Variants in EXOC4 observed in about 807,000 individuals in gnomAD.
EXOC4 encodes exocyst complex component 4.
In EXOC4, 71 loss-of-function variants were observed where a neutral mutation model predicts 107.2. The observed-to-expected ratio is 0.66, with a 90% CI of 0.55 to 0.81. EXOC4 has a LOEUF of 0.81. EXOC4 is among the 30% of genes least tolerant of loss of function. The pLI, the probability that EXOC4 is intolerant of heterozygous loss-of-function variation, is 0.00. For synonymous variants in EXOC4, 456 were observed against 441.2 expected (o/e 1.03, Z -0.42); for missense variants, 1,108 against 1,189.6 (o/e 0.93, Z 1.01).
intron 14 of EXOC4, among the ~76,000 whole-genome samples, chr7:133,986,565 A>G (rs1487072938): frequency 6.6e-6 from 1 of 152,238 alleles, no homozygotes; most frequent in East Asian, 1.9e-4. Flanking sequence ...TCTCTATTCC[A>G]AGAAAGTTCA....
intron 5 of EXOC4, among the ~76,000 whole-genome samples, chr7:133,347,645 C>G (rs1795815395): frequency 2.6e-5 from 4 of 152,246 alleles, no homozygotes; most frequent in Admixed American, 1.3e-4. Flanking sequence ...TAGCTAAGCC[C>G]TCCTTTCATG....
intron 10 of EXOC4, among the ~76,000 whole-genome samples, chr7:133,794,323 G>C (rs1020237122): frequency 6.6e-6 from 1 of 152,158 alleles, no homozygotes; most frequent in Non-Finnish European, 1.5e-5. Flanking sequence ...ATGAGTCATA[G>C]AGTAAGTGTC....
At chr7:133,470,496 G>A (rs1798847986) in intron 7 of EXOC4, among the ~76,000 whole-genome samples, 1 of 152,112 alleles carries the variant, frequency 6.6e-6, no homozygotes, top group Non-Finnish European at 1.5e-5. Context: ...TGACCACAGA[G>A]CCATTCAACG....
chr7:133,361,985 T>C (rs999471149), intron 6 of EXOC4, among the ~76,000 whole-genome samples: 5 of 152,192 alleles, frequency 3.3e-5, no homozygotes, highest in Admixed American at 6.5e-5. Context: ...TTTTCTAACA[T>C]GTTTGTCTCA....
chr7:133,691,595 T>G (rs1794421812), intron 10 of EXOC4, among the ~76,000 whole-genome samples: 1 of 152,194 alleles, frequency 6.6e-6, no homozygotes, highest in Non-Finnish European at 1.5e-5. Context: ...ACCTGTGTCT[T>G]CAAGGAGCTT....
intron 10 of EXOC4, among the ~76,000 whole-genome samples, chr7:133,638,701 C>T (rs1021801255): frequency 6.6e-6 from 1 of 152,048 alleles, no homozygotes; most frequent in African/African-American, 2.4e-5. Flanking sequence ...TAACTTAACT[C>T]TTCCAGTGAC....
At chr7:134,021,401 A>G (rs1400113391) in intron 17 of EXOC4, among the ~76,000 whole-genome samples, 1 of 152,202 alleles carries the variant, frequency 6.6e-6, no homozygotes, top group African/African-American at 2.4e-5. Flanking sequence ...CTGCTTTTGC[A>G]TGACCTATAA....
chr7:133,575,809 G>A (rs900507121), intron 9 of EXOC4, among the ~76,000 whole-genome samples: 3 of 151,972 alleles, frequency 2.0e-5, no homozygotes, highest in Non-Finnish European at 2.9e-5. Flanking sequence ...TTCATCTCCA[G>A]GTTCATCTTA....
At chr7:133,768,850 A>T (rs1257707033) in intron 10 of EXOC4, among the ~76,000 whole-genome samples, 1 of 151,900 alleles carries the variant, frequency 6.6e-6, no homozygotes, top group African/African-American at 2.4e-5. Flanking sequence ...GTAGATAATT[A>T]TGAAATATTG....
intron 7 of EXOC4, among the ~76,000 whole-genome samples, chr7:133,390,220 T>G (rs1310434263): frequency 6.6e-6 from 1 of 152,216 alleles, no homozygotes; most frequent in Non-Finnish European, 1.5e-5. Context: ...GTGAGTGAAC[T>G]GAGGAGCACT....
intron 12 of EXOC4, among the ~76,000 whole-genome samples, chr7:133,901,006 A>T (rs1485301692): frequency 6.6e-6 from 1 of 152,078 alleles, no homozygotes; most frequent in Non-Finnish European, 1.5e-5. Context: ...AATGGCTGGG[A>T]TTACAGGTGC....
At chr7:133,712,306 G>A (rs905175166) in intron 10 of EXOC4, among the ~76,000 whole-genome samples, 2 of 151,946 alleles carry the variant, frequency 1.3e-5, no homozygotes, top group Non-Finnish European at 2.9e-5. Flanking sequence ...GGGCATGGTG[G>A]TACATGCCTG....
intron 9 of EXOC4, among the ~76,000 whole-genome samples, chr7:133,598,861 G>T (rs1563121974): frequency 6.6e-6 from 1 of 152,122 alleles, no homozygotes; most frequent in Non-Finnish European, 1.5e-5. Flanking sequence ...GCAGGCACCT[G>T]TAGTCCCAGC....
intron 7 of EXOC4, among the ~76,000 whole-genome samples, chr7:133,407,760 A>T (rs1258448954): frequency 1.3e-5 from 2 of 152,208 alleles, no homozygotes; most frequent in African/African-American, 4.8e-5. Flanking sequence ...ATGCAAAAAC[A>T]TTTAAAATCA....
At chr7:133,667,598 G>C (rs1212421423) in intron 10 of EXOC4, among the ~76,000 whole-genome samples, 3 of 152,120 alleles carry the variant, frequency 2.0e-5, no homozygotes, top group Non-Finnish European at 2.9e-5. Context: ...TTGTACTTGA[G>C]GGAAGTATTC....
intron 9 of EXOC4, among the ~76,000 whole-genome samples, chr7:133,574,572 T>C (rs1363499642): frequency 1.3e-5 from 2 of 152,208 alleles, no homozygotes; most frequent in African/African-American, 4.8e-5. Flanking sequence ...AGTCACTTTG[T>C]CTAGAGGATT....
intron 16 of EXOC4, among the ~76,000 whole-genome samples, chr7:134,005,305 C>T (rs1348592567): frequency 6.6e-6 from 1 of 152,108 alleles, no homozygotes; most frequent in Non-Finnish European, 1.5e-5. Flanking sequence ...AGATTTAATC[C>T]AAGATAAGGC....
chr7:134,031,368 G>GT (rs1238571733), intron 17 of EXOC4, among the ~76,000 whole-genome samples: 1 of 152,084 alleles, frequency 6.6e-6, no homozygotes, highest in Non-Finnish European at 1.5e-5. Flanking sequence ...GTTTTGTTTT[G>GT]TTTTTGTTCT....
At chr7:133,380,288 ATAAAAT>A (rs1481642178) in intron 7 of EXOC4, among the ~76,000 whole-genome samples, 1 of 149,604 alleles carries the variant, frequency 6.7e-6, no homozygotes, top group Non-Finnish European at 1.5e-5. Context: ...ATAAAATAAA[ATAAAAT>A]GAGTGATTTG....
Sources: allele counts gnomAD v4.1 joint callset (sites outside exome capture counted in the v4.1 genomes callset), GRCh38; gene constraint gnomAD v4.1.1; transcripts MANE v1.5; gene names NCBI Gene and HGNC (gene_info 2026-07-23, HGNC 2026-07-21).